Variants in SYT14 observed in about 807,000 individuals in gnomAD.
SYT14 encodes the protein synaptotagmin 14, also known as synaptotagmin-14.
SYT14 carries 32 observed loss-of-function variants against 74.2 expected under a neutral mutation model. The ratio of observed to expected loss-of-function variants is 0.43; its 90% CI spans 0.33 to 0.58. The LOEUF (loss-of-function observed/expected upper bound fraction) is 0.58, where lower values mean the gene tolerates loss of function less well. SYT14 is among the 20% of genes least tolerant of loss of function. The pLI, the probability that SYT14 is intolerant of heterozygous loss-of-function variation, is 0.05. For missense variants in SYT14, 791 were observed against 981.8 expected, an observed-to-expected ratio of 0.81 and a Z score of 2.60; for synonymous variants, 298 against 337.7, an observed-to-expected ratio of 0.88 and a Z score of 1.29.
intron 7 of SYT14, 44 bp downstream of exon 6, chr1:210,100,505 G>A: frequency 1.3e-6 from 2 of 1,570,900 alleles, no homozygotes; most frequent in Non-Finnish European, 1.7e-6. Flanking sequence ...TATGTTCATG[G>A]TTTATAGTAT....
In SYT14 at chr1:210,121,808, GAAGA is replaced by G. The variant is rs548451653; in HGVS notation, c.2034+21354_2034+21357del. ...GACCCCATTTCAAAAAAAAAAAAAA[GAAGA>G]AAGAAATATATTCTGAGTAATTATT... is the stretch of plus-strand genomic sequence containing the variant. On this transcript the variant is annotated intron_variant, in intron 7 of 9. Transcript: ENST00000637265. Among the ~76,000 whole-genome samples, 976 of 149,590 alleles carry G rather than the reference GAAGA, an allele frequency of 6.5e-3. 13 individuals carry two copies. The highest frequency in any genetic ancestry group is 0.023 in the African/African-American group (929 of 40,906).
chr1:210,119,352 T>C (rs1472361778), intron 7 of SYT14, among the ~76,000 whole-genome samples: 1 of 152,192 alleles, frequency 6.6e-6, no homozygotes. Flanking sequence ...AGATTTAATT[T>C]AGAAAAGAGG....
chr1:210,098,981 ACACT>A (rs770341363), intron 6 of SYT14, among the ~76,000 whole-genome samples: 6 of 152,176 alleles, frequency 3.9e-5, no homozygotes, highest in Non-Finnish European at 7.3e-5. Context: ...TTTCTAGCTA[ACACT>A]CAGGAAGGTT....
At chr1:210,002,442 A>G (rs542757052) in intron 2 of SYT14, among the ~76,000 whole-genome samples, 16 of 152,048 alleles carry the variant, frequency 1.1e-4, no homozygotes, top group Middle Eastern at 3.4e-3. Flanking sequence ...GCTTAACCTC[A>G]TATTTCCAAG....
chr1:210,105,344 G>A (rs556091436), intron 7 of SYT14, among the ~76,000 whole-genome samples: 4 of 152,298 alleles, frequency 2.6e-5, no homozygotes, highest in African/African-American at 9.6e-5. Flanking sequence ...GAACTCAGGT[G>A]TGGCCAGGTG....
At chr1:210,006,431 A>T (rs530249118) in intron 2 of SYT14, among the ~76,000 whole-genome samples, 1 of 152,112 alleles carries the variant, frequency 6.6e-6, no homozygotes, top group Non-Finnish European at 1.5e-5. Context: ...AATAAATTAT[A>T]GCATTTTTCT....
intron 5 of SYT14, among the ~76,000 whole-genome samples, chr1:210,075,262 A>T (rs552181174): frequency 6.6e-6 from 1 of 151,442 alleles, no homozygotes; most frequent in East Asian, 1.9e-4. Context: ...CTCGCTGTCC[A>T]GCTGTTTGTG....
At chr1:210,078,048 C>T (rs186778827) in intron 5 of SYT14, among the ~76,000 whole-genome samples, 7 of 152,226 alleles carry the variant, frequency 4.6e-5, no homozygotes, top group African/African-American at 1.4e-4. Flanking sequence ...CGGTGGCTCA[C>T]GCCTGTAATC....
At chr1:210,104,759 C>T (rs1202765469) in intron 7 of SYT14, among the ~76,000 whole-genome samples, 3 of 152,186 alleles carry the variant, frequency 2.0e-5, no homozygotes, top group Non-Finnish European at 2.9e-5. Flanking sequence ...ATCTCACAAA[C>T]ATACACACAA....
intron 7 of SYT14, among the ~76,000 whole-genome samples, chr1:210,148,102 C>T (rs753044649): frequency 1.3e-5 from 2 of 152,116 alleles, no homozygotes; most frequent in Non-Finnish European, 2.9e-5. Flanking sequence ...AAAAAAACTT[C>T]GTAAGTCAAC....
At chr1:210,094,983 A>G (rs1229249107) in intron 6 of SYT14, among the ~76,000 whole-genome samples, 1 of 152,178 alleles carries the variant, frequency 6.6e-6, no homozygotes, top group Non-Finnish European at 1.5e-5. Context: ...CTTTCAAAAT[A>G]ATCTTATTGT....
intron 7 of SYT14, among the ~76,000 whole-genome samples, chr1:210,155,361 G>T (rs778351724): frequency 1.3e-5 from 2 of 152,164 alleles, no homozygotes; most frequent in African/African-American, 2.4e-5. Flanking sequence ...GACATTTGAT[G>T]TATTGAGTCT....
At chr1:210,150,115 A>T (rs1176093246) in intron 7 of SYT14, among the ~76,000 whole-genome samples, 1 of 152,186 alleles carries the variant, frequency 6.6e-6, no homozygotes, top group Admixed American at 6.5e-5. Context: ...GGTTTGAGCA[A>T]GTAGGATGCT....
At chr1:210,024,584 T>G (rs2080370364) in intron 5 of SYT14, among the ~76,000 whole-genome samples, 1 of 152,082 alleles carries the variant, frequency 6.6e-6, no homozygotes, top group Non-Finnish European at 1.5e-5. Context: ...TTTACATATG[T>G]GATGAGGCAG....
At chr1:209,999,134 T>C (rs564315673) in intron 2 of SYT14, among the ~76,000 whole-genome samples, 38 of 152,036 alleles carry the variant, frequency 2.5e-4, no homozygotes, top group African/African-American at 5.5e-4. Flanking sequence ...AGGAGATGAA[T>C]AGACATTTCT....
chr1:210,116,240 G>A (rs2082358273), intron 7 of SYT14, among the ~76,000 whole-genome samples: 2 of 152,222 alleles, frequency 1.3e-5, no homozygotes, highest in South Asian at 4.1e-4. Context: ...TGAATGAATG[G>A]ATGGGTGAAT....
chr1:210,068,763 G>T (rs1032197268), intron 5 of SYT14, among the ~76,000 whole-genome samples: 6 of 151,296 alleles, frequency 4.0e-5, no homozygotes, highest in Non-Finnish European at 8.9e-5. Context: ...AAACATTTTG[G>T]TTTTGTTAAT....
intron 5 of SYT14, among the ~76,000 whole-genome samples, chr1:210,057,769 T>G (rs560814856): frequency 6.6e-6 from 1 of 152,336 alleles, no homozygotes; most frequent in South Asian, 2.1e-4. Flanking sequence ...CATCTTGATA[T>G]GGCCACAAAA....
chr1:210,147,401 G>A (rs2083063151), intron 7 of SYT14, among the ~76,000 whole-genome samples: 1 of 152,056 alleles, frequency 6.6e-6, no homozygotes, highest in African/African-American at 2.4e-5. Flanking sequence ...TGAGAAATTA[G>A]AAGTTTTAAA....
Sources: allele counts gnomAD v4.1 joint callset (sites outside exome capture counted in the v4.1 genomes callset), GRCh38; gene constraint gnomAD v4.1.1; transcripts MANE v1.5; gene names NCBI Gene and HGNC (gene_info 2026-07-23, HGNC 2026-07-21).